Variants in TMEM178B observed in about 807,000 individuals in gnomAD.
TMEM178B encodes transmembrane protein 178B.
In TMEM178B, 5 loss-of-function variants were observed where a neutral mutation model predicts 31.0. The ratio of observed to expected loss-of-function variants is 0.16; its 90% CI spans 0.08 to 0.34. The LOEUF (loss-of-function observed/expected upper bound fraction) is 0.34. Ranked by LOEUF, TMEM178B falls within the 10% of genes least tolerant of loss-of-function variation. The pLI, the probability that TMEM178B is intolerant of heterozygous loss-of-function variation, is 1.00. For synonymous variants in TMEM178B, 164 were observed against 164.0 expected, an observed-to-expected ratio of 1.00 and a Z score of 0.00; for missense variants, 275 against 400.3, an observed-to-expected ratio of 0.69 and a Z score of 2.67.
intron 2 of TMEM178B, among the ~76,000 whole-genome samples, chr7:141,312,526 A>G (rs1798929437): frequency 2.0e-5 from 3 of 152,224 alleles, no homozygotes; most frequent in Non-Finnish European, 4.4e-5. Flanking sequence ...TAACCCGTAG[A>G]TATTTCAATG....
chr7:141,104,918 G>A (rs763157761), intron 1 of TMEM178B, among the ~76,000 whole-genome samples: 2 of 152,144 alleles, frequency 1.3e-5, no homozygotes, highest in African/African-American at 4.8e-5. Flanking sequence ...TGGGGGTAGG[G>A]GTTCAACATG....
At chr7:141,196,881 G>T (rs1586820537) in intron 1 of TMEM178B, among the ~76,000 whole-genome samples, 1 of 152,264 alleles carries the variant, frequency 6.6e-6, no homozygotes, top group South Asian at 2.1e-4. Flanking sequence ...CACAGCTAGG[G>T]TTACAGTGTA....
chr7:141,440,311 C>T (rs1270470106), intron 3 of TMEM178B, among the ~76,000 whole-genome samples: 6 of 152,180 alleles, frequency 3.9e-5, no homozygotes, highest in African/African-American at 1.4e-4. Flanking sequence ...TGGTTCTCAA[C>T]CACTGCACTT....
intron 1 of TMEM178B, among the ~76,000 whole-genome samples, chr7:141,084,558 C>T (rs6464315): frequency 0.097 from 14,778 of 152,016 alleles, 903 homozygotes; most frequent in African/African-American, 0.18. Flanking sequence ...CATCTGGGAG[C>T]CGTCAGCGCA....
chr7:141,136,703 C>A (rs1410036546), intron 1 of TMEM178B, among the ~76,000 whole-genome samples: 1 of 152,008 alleles, frequency 6.6e-6, no homozygotes, highest in African/African-American at 2.4e-5. Flanking sequence ...AAAGCCCAAT[C>A]CCATTAAAAA....
intron 2 of TMEM178B, among the ~76,000 whole-genome samples, chr7:141,260,518 T>C (rs905470527): frequency 6.6e-6 from 1 of 152,214 alleles, no homozygotes; most frequent in Non-Finnish European, 1.5e-5. Flanking sequence ...CCTTGTATTT[T>C]GGTCATCTCT....
At chr7:141,400,511 T>A (rs1285558732) in intron 2 of TMEM178B, among the ~76,000 whole-genome samples, 1 of 152,184 alleles carries the variant, frequency 6.6e-6, no homozygotes, top group Non-Finnish European at 1.5e-5. Flanking sequence ...CTCCTCCTCC[T>A]CCTTGTTTGA....
intron 2 of TMEM178B, among the ~76,000 whole-genome samples, chr7:141,316,782 G>A (rs1236832736): frequency 6.6e-6 from 1 of 152,152 alleles, no homozygotes; most frequent in African/African-American, 2.4e-5. Flanking sequence ...CTAACTCCCT[G>A]CAGCTGGACA....
In TMEM178B at chr7:141,474,253, T is replaced by C. The variant is rs1465963678; in HGVS notation, c.*3467T>C. 1 of 152,138 alleles carries C rather than the reference T, an allele frequency of 6.6e-6. No individual in the cohort carries two copies. The highest frequency in any genetic ancestry group is 2.4e-5 in the African/African-American group (1 of 41,430). 9.4% of individuals were successfully genotyped at this position (152,138 alleles called of 1,614,324 possible). A position where few individuals can be genotyped will look rare whatever the true frequency, so the allele number is the denominator to read the frequency against. On this transcript the variant is annotated 3_prime_UTR_variant, in exon 4 of 4. Coordinates refer to ENST00000565468, the MANE Select transcript of TMEM178B (RefSeq NM_001195278.2). ...GGTCCCATATCTTTTTCTCCTTATT[T>C]TGGGAGTTACGGTTTCTTCTTCTGT...
At chr7:141,342,739 C>T (rs945303789) in intron 2 of TMEM178B, among the ~76,000 whole-genome samples, 3 of 152,204 alleles carry the variant, frequency 2.0e-5, no homozygotes, top group South Asian at 4.2e-4. Flanking sequence ...TTTTTTGTTC[C>T]GTTCGAGTTT....
At chr7:141,259,898 T>C (rs1797985751) in intron 2 of TMEM178B, among the ~76,000 whole-genome samples, 1 of 152,168 alleles carries the variant, frequency 6.6e-6, no homozygotes, top group African/African-American at 2.4e-5. Flanking sequence ...GTTATGCCCT[T>C]TGTGTCTCCT....
chr7:141,340,414 C>G (rs1456126103), intron 2 of TMEM178B, among the ~76,000 whole-genome samples: 4 of 152,180 alleles, frequency 2.6e-5, no homozygotes, highest in African/African-American at 9.7e-5. Context: ...CTTCAGTTTG[C>G]TGTAGAAATT....
At chr7:141,115,076 T>C (rs938068961) in intron 1 of TMEM178B, among the ~76,000 whole-genome samples, 1 of 152,096 alleles carries the variant, frequency 6.6e-6, no homozygotes, top group Non-Finnish European at 1.5e-5. Context: ...AGAGTCTCGC[T>C]TTGTCACCCA....
intron 2 of TMEM178B, chr7:141,297,148 A>G (rs2116433503): frequency 6.6e-6 from 1 of 152,350 alleles, no homozygotes; most frequent in Non-Finnish European, 1.5e-5. Context: ...TCCTTAAAAC[A>G]ACTCTAAGGG....
intron 2 of TMEM178B, among the ~76,000 whole-genome samples, chr7:141,289,184 A>C (rs1045533209): frequency 6.6e-6 from 1 of 152,168 alleles, no homozygotes; most frequent in African/African-American, 2.4e-5. Context: ...TTGCCAAGAC[A>C]TGGGGGAAAA....
At chr7:141,105,094 T>C (rs983058417) in intron 1 of TMEM178B, among the ~76,000 whole-genome samples, 6 of 151,886 alleles carry the variant, frequency 4.0e-5, no homozygotes, top group African/African-American at 1.5e-4. Context: ...ATGATGGACG[T>C]GTGAGGTGGG....
At position 141,302,607 on chromosome 7, in the gene TMEM178B, A is replaced by G. The variant is rs186420425; in HGVS notation, c.496+89903A>G. Among the ~76,000 whole-genome samples, 67 of 152,324 alleles carry G rather than the reference A, an allele frequency of 4.4e-4. 2 individuals carry two copies. The East Asian group carries it at 0.011, about 25-fold the overall frequency. ...TTTCACAACAAAGTGAATGTACTCA[A>G]TGCTACTGAACTGTACACCTAAAAA... On this transcript the variant is annotated intron_variant, in intron 2 of 3. Coordinates refer to ENST00000565468, the MANE Select transcript of TMEM178B (RefSeq NM_001195278.2).
intron 3 of TMEM178B, among the ~76,000 whole-genome samples, chr7:141,466,043 CAT>C (rs1259173807): frequency 1.3e-5 from 2 of 152,138 alleles, no homozygotes; most frequent in Non-Finnish European, 2.9e-5. Flanking sequence ...ATATTAAAAA[CAT>C]ATAAATCCTT....
chr7:141,140,534 A>G (rs1020725894), intron 1 of TMEM178B, among the ~76,000 whole-genome samples: 2 of 152,306 alleles, frequency 1.3e-5, no homozygotes, highest in African/African-American at 4.8e-5. Context: ...TAATGAGCCA[A>G]TGTTATATCA....
Sources: allele counts gnomAD v4.1 joint callset (sites outside exome capture counted in the v4.1 genomes callset), GRCh38; gene constraint gnomAD v4.1.1; transcripts MANE v1.5; gene names NCBI Gene and HGNC (gene_info 2026-07-23, HGNC 2026-07-21).